The following C16orf74 variants were observed in gnomAD, a reference collection of about 807,000 sequenced individuals.
C16orf74 encodes uncharacterized protein C16orf74.
Under a neutral mutation model 6.5 loss-of-function variants are expected in C16orf74, and 10 were observed. The ratio of observed to expected loss-of-function variants is 1.54; its 90% CI spans 0.95 to 2.61. The LOEUF (loss-of-function observed/expected upper bound fraction) is 2.61, where lower values mean the gene tolerates loss of function less well. Ranked by LOEUF, C16orf74 falls within the 30% of genes most tolerant of loss-of-function variation. C16orf74 has a pLI of 0.00. For missense variants in C16orf74, 141 were observed against 105.9 expected, an observed-to-expected ratio of 1.33 and a Z score of -1.45; for synonymous variants, 60 against 42.5, an observed-to-expected ratio of 1.41 and a Z score of -1.60.
At chr16:85,716,858 C>T (rs1256562539) in intron 2 of C16orf74, among the ~76,000 whole-genome samples, 2 of 152,314 alleles carry the variant, frequency 1.3e-5, no homozygotes, top group East Asian at 3.9e-4. Flanking sequence ...AACCAAATGC[C>T]AGCCCTGCCC....
intron 1 of C16orf74, chr16:85,743,260 A>G (rs2054330171): frequency 1.3e-5 from 2 of 152,242 alleles, no homozygotes; most frequent in Admixed American, 6.5e-5. Context: ...TTGTCTAAAC[A>G]TAGGGAAGAG....
At chr16:85,744,907 C>T (rs994067605) in intron 1 of C16orf74, among the ~76,000 whole-genome samples, 1 of 150,976 alleles carries the variant, frequency 6.6e-6, no homozygotes, top group African/African-American at 2.4e-5. Context: ...TTTGGGAGGC[C>T]GAGGTGGGCG....
chr16:85,722,229 A>C (rs568453267), intron 2 of C16orf74, among the ~76,000 whole-genome samples: 87 of 152,142 alleles, frequency 5.7e-4, no homozygotes, highest in Non-Finnish European at 9.6e-4. Context: ...GATGCATGGT[A>C]CTAAGAGGAA....
intron 2 of C16orf74, among the ~76,000 whole-genome samples, chr16:85,729,729 G>A (rs1293262632): frequency 1.3e-5 from 2 of 152,194 alleles, no homozygotes; most frequent in African/African-American, 4.8e-5. Flanking sequence ...GGAGAGGGAG[G>A]TTGAATGCAG....
intron 2 of C16orf74, among the ~76,000 whole-genome samples, chr16:85,715,271 A>G (rs540450870): frequency 3.3e-5 from 5 of 151,768 alleles, no homozygotes; most frequent in South Asian, 2.1e-4. Flanking sequence ...CCAAACAACC[A>G]CAGACAAAGG....
chr16:85,744,570 C>T (rs929268915), intron 1 of C16orf74, among the ~76,000 whole-genome samples: 6 of 152,108 alleles, frequency 3.9e-5, no homozygotes, highest in Middle Eastern at 3.2e-3. Flanking sequence ...GTGGCTCATG[C>T]CTGAAATCCC....
intron 1 of C16orf74, among the ~76,000 whole-genome samples, chr16:85,737,903 G>C (rs904448819): frequency 6.6e-6 from 1 of 151,262 alleles, no homozygotes; most frequent in African/African-American, 2.4e-5. Context: ...GGGTGGCTTT[G>C]AATGTGGCCT....
intron 1 of C16orf74, among the ~76,000 whole-genome samples, chr16:85,742,752 G>T (rs2054324219): frequency 6.6e-6 from 1 of 152,138 alleles, no homozygotes; most frequent in African/African-American, 2.4e-5. Flanking sequence ...TGTTAATCAG[G>T]CTAGTCTTGA....
At chr16:85,740,750 G>C (rs1013043206) in intron 1 of C16orf74, among the ~76,000 whole-genome samples, 1 of 140,530 alleles carries the variant, frequency 7.1e-6, no homozygotes, top group Non-Finnish European at 1.5e-5. Flanking sequence ...TGTAATGCCA[G>C]CTACCTGGGA....
chr16:85,742,122 T>C lies in C16orf74; in HGVS notation c.-18-6887A>G, dbSNP rs937927876. Reference sequence around the variant, plus strand: ...GCGTGGTGGCTCACGCCTGTAATCCTAGCACTGTGGGAGGCTGAGGTGGCT... The same window carrying C: ...GCGTGGTGGCTCACGCCTGTAATCCCAGCACTGTGGGAGGCTGAGGTGGCT... On this transcript the variant is annotated intron_variant, in intron 1 of 3. Transcript: ENST00000284245. Among the ~76,000 whole-genome samples, 8 of 152,110 alleles carry C rather than the reference T, an allele frequency of 5.3e-5. 1 individual carries two copies. The highest frequency in any genetic ancestry group is 1.9e-4 in the African/African-American group (8 of 41,414).
At chr16:85,716,167 G>A (rs2054021475) in intron 2 of C16orf74, among the ~76,000 whole-genome samples, 1 of 152,152 alleles carries the variant, frequency 6.6e-6, no homozygotes, top group South Asian at 2.1e-4. Flanking sequence ...GGAGCTTGAG[G>A]ACAAAACCTA....
At chr16:85,730,670 T>C (rs1300186493) in intron 2 of C16orf74, among the ~76,000 whole-genome samples, 1 of 121,374 alleles carries the variant, frequency 8.2e-6, no homozygotes, top group African/African-American at 3.3e-5. Flanking sequence ...GATTAGCCAA[T>C]TAACCCCCAT....
intron 3 of C16orf74, among the ~76,000 whole-genome samples, chr16:85,708,571 G>T (rs1001343415): frequency 6.6e-6 from 1 of 152,216 alleles, no homozygotes; most frequent in Non-Finnish European, 1.5e-5. Context: ...CTCTGGACCT[G>T]TTTGTTTCCC....
chr16:85,724,853 G>T (rs1013784199), intron 2 of C16orf74, among the ~76,000 whole-genome samples: 1 of 152,174 alleles, frequency 6.6e-6, no homozygotes, highest in Admixed American at 6.5e-5. Flanking sequence ...AAAAGACAGC[G>T]TGGTTCCTGA....
intron 1 of C16orf74, among the ~76,000 whole-genome samples, chr16:85,742,885 T>A (rs1420553469): frequency 6.6e-6 from 1 of 152,220 alleles, no homozygotes; most frequent in Non-Finnish European, 1.5e-5. Flanking sequence ...GGTATTCCTT[T>A]GCAGCAACAC....
intron 2 of C16orf74, among the ~76,000 whole-genome samples, chr16:85,722,518 G>T (rs1269059537): frequency 6.6e-6 from 1 of 152,204 alleles, no homozygotes; most frequent in East Asian, 1.9e-4. Flanking sequence ...ACCAAGCACT[G>T]TCACTCCCAG....
At chr16:85,709,182 C>G (rs2053942519) in intron 3 of C16orf74, among the ~76,000 whole-genome samples, 1 of 152,186 alleles carries the variant, frequency 6.6e-6, no homozygotes, top group Non-Finnish European at 1.5e-5. Context: ...CAACGAAACC[C>G]CATTTCTACT....
chr16:85,738,188 T>G (rs1341277650), intron 1 of C16orf74, among the ~76,000 whole-genome samples: 1 of 151,958 alleles, frequency 6.6e-6, no homozygotes, highest in African/African-American at 2.4e-5. Flanking sequence ...GAGACTGCAG[T>G]GAACCTTGAT....
At chr16:85,718,349 A>G (rs2054045815) in intron 2 of C16orf74, among the ~76,000 whole-genome samples, 1 of 152,220 alleles carries the variant, frequency 6.6e-6, no homozygotes, top group South Asian at 2.1e-4. Context: ...TACAGGTATA[A>G]GCCACCCCAT....
Sources: allele counts gnomAD v4.1 joint callset (sites outside exome capture counted in the v4.1 genomes callset), GRCh38; gene constraint gnomAD v4.1.1; transcripts MANE v1.5; gene names NCBI Gene and HGNC (gene_info 2026-07-23, HGNC 2026-07-21).